The following ASIC2 variants were observed in gnomAD, a reference collection of about 807,000 sequenced individuals.
ASIC2 encodes the protein acid-sensing ion channel 2.
A neutral mutation model predicts 57.3 loss-of-function variants in ASIC2; 25 were observed. The observed-to-expected ratio is 0.44, with a 90% CI of 0.32 to 0.61. ASIC2 has a LOEUF of 0.61. Ranked by LOEUF, ASIC2 falls within the 20% of genes least tolerant of loss-of-function variation. The probability of loss-of-function intolerance (pLI) is 0.06; values close to 1 mark genes in which losing one functional copy is unlikely to be tolerated. For missense variants in ASIC2, 641 were observed against 738.1 expected (o/e 0.87, Z 1.52); for synonymous variants, 319 against 307.5 (o/e 1.04, Z -0.39).
intron 1 of ASIC2, among the ~76,000 whole-genome samples, chr17:33,684,010 G>C (rs1908098198): frequency 6.6e-6 from 1 of 152,214 alleles, no homozygotes; most frequent in Non-Finnish European, 1.5e-5. Context: ...CAGTCAGCTT[G>C]ATAGAAAATC....
intron 1 of ASIC2, among the ~76,000 whole-genome samples, chr17:33,392,654 G>A (rs571299771): frequency 8.5e-5 from 13 of 152,084 alleles, no homozygotes; most frequent in African/African-American, 2.9e-4. Flanking sequence ...CTTCTTCCAC[G>A]GTGTCACATG....
chr17:33,565,760 A>G (rs1567652369), intron 1 of ASIC2: 1 of 152,140 alleles, frequency 6.6e-6, no homozygotes, highest in Admixed American at 6.5e-5. Flanking sequence ...CTTCTAAGAG[A>G]CTCATAAGAA....
chr17:33,192,307 C>T (rs982271225), intron 1 of ASIC2, among the ~76,000 whole-genome samples: 1 of 152,038 alleles, frequency 6.6e-6, no homozygotes, highest in African/African-American at 2.4e-5. Context: ...TGCTTGAACC[C>T]AGGAGGCAGA....
intron 1 of ASIC2, among the ~76,000 whole-genome samples, chr17:33,824,664 C>G (rs1460774897): frequency 6.6e-6 from 1 of 152,164 alleles, no homozygotes; most frequent in South Asian, 2.1e-4. Flanking sequence ...GTAGCTCCCA[C>G]GTCCCCATGT....
intron 1 of ASIC2, among the ~76,000 whole-genome samples, chr17:33,262,236 C>T (rs1289146493): frequency 6.6e-6 from 1 of 152,124 alleles, no homozygotes; most frequent in African/African-American, 2.4e-5. Context: ...ACCACCCCTC[C>T]ATACCCCCAA....
chr17:33,448,234 G>GGGC (rs1912109112), intron 1 of ASIC2, among the ~76,000 whole-genome samples: 1 of 152,064 alleles, frequency 6.6e-6, no homozygotes, highest in African/African-American at 2.4e-5. Flanking sequence ...TAATCAGGCT[G>GGGC]TGGCTGGGCT....
At chr17:33,080,459 T>G (rs1330037581) in intron 3 of ASIC2, among the ~76,000 whole-genome samples, 1 of 152,100 alleles carries the variant, frequency 6.6e-6, no homozygotes, top group African/African-American at 2.4e-5. Flanking sequence ...CAGGCCCCCC[T>G]TATCCACGGG....
At chr17:33,285,979 C>T (rs1905153280) in intron 1 of ASIC2, among the ~76,000 whole-genome samples, 1 of 152,180 alleles carries the variant, frequency 6.6e-6, no homozygotes, top group African/African-American at 2.4e-5. Context: ...TACTTAGGGC[C>T]AGGAATGGGT....
intron 1 of ASIC2, among the ~76,000 whole-genome samples, chr17:33,170,407 G>A (rs901858740): frequency 6.2e-4 from 94 of 152,168 alleles, no homozygotes; most frequent in African/African-American, 2.2e-3. Context: ...TATTTGACTA[G>A]GAGATGTGAG....
intron 1 of ASIC2, among the ~76,000 whole-genome samples, chr17:33,764,694 T>C (rs147952420): frequency 1.5e-3 from 227 of 152,284 alleles, no homozygotes; most frequent in African/African-American, 5.3e-3. Context: ...CATGAATGGA[T>C]GAGTTCATTC....
chr17:33,965,145 A>G lies in ASIC2; in HGVS notation c.555+190833T>C, dbSNP rs71379437. On this transcript the variant is annotated intron_variant, in intron 1 of 9. Coordinates refer to the ASIC2 transcript ENST00000359872. ...ACGGCTCTTATTGAATGCCTATCAT[A>G]TGTCAAACATGTCCATGTACTAGCT... 4.1e-3 allele frequency among the ~76,000 whole-genome samples: 627 copies of G among 152,316 alleles called. 6 individuals are homozygous for G. Among genetic ancestry groups the G allele is most frequent in the African/African-American group, 0.014 (593 of 41,570 alleles).
At chr17:33,042,050 G>A (rs190456207) in intron 3 of ASIC2, among the ~76,000 whole-genome samples, 23 of 152,282 alleles carry the variant, frequency 1.5e-4, no homozygotes, top group Admixed American at 1.5e-3. Context: ...GAGCCATAAT[G>A]TTCAGTTTGA....
chr17:33,866,038 C>T (rs997241467), intron 1 of ASIC2, among the ~76,000 whole-genome samples: 2 of 152,118 alleles, frequency 1.3e-5, no homozygotes, highest in African/African-American at 4.8e-5. Context: ...GATTTCTTTG[C>T]TCAACATTTT....
chr17:33,484,522 T>C (rs2141929391), intron 1 of ASIC2, among the ~76,000 whole-genome samples: 1 of 152,352 alleles, frequency 6.6e-6, no homozygotes, highest in South Asian at 2.1e-4. Context: ...TTCAACCCAA[T>C]ATATTCAAAA....
intron 1 of ASIC2, among the ~76,000 whole-genome samples, chr17:33,900,512 G>A (rs1915209401): frequency 6.6e-6 from 1 of 152,088 alleles, no homozygotes; most frequent in Non-Finnish European, 1.5e-5. Context: ...CAGGGTGGGA[G>A]TAAAAATCTA....
chr17:33,982,423 A>G (rs1485739275), intron 1 of ASIC2, among the ~76,000 whole-genome samples: 2 of 152,166 alleles, frequency 1.3e-5, no homozygotes, highest in Non-Finnish European at 2.9e-5. Context: ...GGGCCTGGCC[A>G]GAGGCTGCAG....
chr17:33,546,613 C>T (rs1218945981), intron 1 of ASIC2, among the ~76,000 whole-genome samples: 2 of 152,116 alleles, frequency 1.3e-5, no homozygotes, highest in African/African-American at 4.8e-5. Flanking sequence ...GCCCTCCAGA[C>T]ACCTTGTAGA....
At chr17:33,539,366 G>A (rs1322955989) in intron 1 of ASIC2, among the ~76,000 whole-genome samples, 1 of 152,224 alleles carries the variant, frequency 6.6e-6, no homozygotes, top group Non-Finnish European at 1.5e-5. Flanking sequence ...GCCCTACAAT[G>A]GTGCTAGCAC....
At chr17:33,828,035 C>A (rs942833580) in intron 1 of ASIC2, 14 of 152,162 alleles carry the variant, frequency 9.2e-5, no homozygotes, top group African/African-American at 3.4e-4. Context: ...TCATCCATGT[C>A]CCTATAAAGG....
Sources: gnomAD v4.1 joint callset for allele counts (sites outside exome capture counted in the v4.1 genomes callset) on GRCh38, gnomAD v4.1.1 for gene constraint, MANE v1.5 for transcripts, NCBI Gene and HGNC (gene_info 2026-07-23, HGNC 2026-07-21) for gene names.